LNPEP: variants seen among roughly 807,000 people sequenced by gnomAD.
LNPEP encodes the protein leucyl and cystinyl aminopeptidase, also known as leucyl-cystinyl aminopeptidase.
LNPEP carries 64 observed loss-of-function variants against 120.6 expected under a neutral mutation model. The ratio of observed to expected loss-of-function variants is 0.53; its 90% CI spans 0.43 to 0.65. The LOEUF (loss-of-function observed/expected upper bound fraction) is 0.65. LNPEP is among the 30% of genes least tolerant of loss of function. LNPEP has a pLI of 0.00. For missense variants in LNPEP, 1,057 were observed against 1,200.0 expected (o/e 0.88, Z 1.76); for synonymous variants, 435 against 425.4 (o/e 1.02, Z -0.28).
chr5:96,994,058 CTTTTT>C, intron 6 of LNPEP, 87 bp downstream of exon 6: 1 of 861,378 alleles, frequency 1.2e-6, no homozygotes, highest in Non-Finnish European at 1.7e-6. Context: ...GCTAATAATT[CTTTTT>C]TTTTTTAAGC....
At chr5:96,997,124 T>G (rs1033106371) in intron 7 of LNPEP, among the ~76,000 whole-genome samples, 8 of 152,078 alleles carry the variant, frequency 5.3e-5, no homozygotes, top group African/African-American at 1.9e-4. Flanking sequence ...CTTAGGGATA[T>G]TCAAACACAC....
At chr5:97,026,471 A>G in intron 15 of LNPEP, 146 bp from the exon 16 acceptor site, 2 of 543,230 alleles carry the variant, frequency 3.7e-6, no homozygotes, top group South Asian at 3.9e-5. Context: ...TTTTCAATCT[A>G]TAGATCAACC....
chr5:96,956,860 A>G (rs1434227518), intron 1 of LNPEP, among the ~76,000 whole-genome samples: 2 of 151,930 alleles, frequency 1.3e-5, no homozygotes, highest in East Asian at 3.9e-4. Flanking sequence ...CTCAAATTGA[A>G]TCATTTCTGT....
intron 1 of LNPEP, among the ~76,000 whole-genome samples, chr5:96,967,063 G>A (rs903274220): frequency 1.3e-5 from 2 of 152,126 alleles, no homozygotes; most frequent in Admixed American, 1.3e-4. Context: ...GAACCCTCAG[G>A]TATAGTGGAA....
At chr5:97,004,831 A>T (rs1002515484) in intron 9 of LNPEP, among the ~76,000 whole-genome samples, 7 of 152,150 alleles carry the variant, frequency 4.6e-5, no homozygotes, top group Non-Finnish European at 7.4e-5. Flanking sequence ...CTGATCATAT[A>T]GTAGTATTTC....
rs543155083 is a variant in LNPEP at position 96,993,880 on chromosome 5, G to A, written c.1316G>A (p.Arg439Gln). The change falls in exon 6 of 18, where the codon CGA (arginine) becomes CAA (glutamine). Residue 439 changes from arginine (R) to glutamine (Q), a missense_variant. Arg to Gln is a conservative substitution (Grantham distance 43). Transcript: ENST00000231368. ...GAAAATTGGGGTTTGCTCACCTTCC[G>A]AGAGGAGACACTTCTGTATGACAGT... The part of the protein sequence containing the change: ...AMENWGLLTF[R>Q]EETLLYDSNT... 20 of 1,613,836 alleles carry A rather than the reference G, an allele frequency of 1.2e-5. No individual in the cohort carries two copies. Among genetic ancestry groups the A allele is most frequent in the East Asian group, 8.9e-5 (4 of 44,874 alleles).
chr5:96,947,406 GCTGT>G (rs1789211345), intron 1 of LNPEP, among the ~76,000 whole-genome samples: 1 of 152,106 alleles, frequency 6.6e-6, no homozygotes, highest in South Asian at 2.1e-4. Context: ...AGGGTTATTG[GCTGT>G]CTTTTAAGTG....
At chr5:96,992,680 A>G (rs1201618329) in intron 4 of LNPEP, among the ~76,000 whole-genome samples, 1 of 151,934 alleles carries the variant, frequency 6.6e-6, no homozygotes, top group Non-Finnish European at 1.5e-5. Context: ...AATGGGAGAG[A>G]AAGAGAAGAG....
At chr5:96,986,813 T>G (rs1455706308) in intron 4 of LNPEP, 143 bp downstream of exon 4, 1 of 765,370 alleles carries the variant, frequency 1.3e-6, no homozygotes, top group Non-Finnish European at 2.1e-6. Flanking sequence ...AAATGCTACT[T>G]TTTTGCTTAG....
chr5:96,993,774 T>G, intron 5 of LNPEP, 43 bp from the exon 6 acceptor site: 1 of 1,591,000 alleles, frequency 6.3e-7, no homozygotes, highest in Non-Finnish European at 8.6e-7. Context: ...AGAAAATGCC[T>G]AAGATGAGGG....
Position 96,980,324 on chromosome 5 carries a change from A to T in LNPEP, c.860+346A>T, listed in dbSNP as rs1211967057. ...GCAGAGTAAAGAGGAGTTATTCTTT[A>T]AGACCTATTTTCCTAATGTGCAGAA... On this transcript the variant is annotated intron_variant, in intron 2 of 17. Transcript: ENST00000231368. Among the ~76,000 whole-genome samples the T allele has an allele frequency of 3.3e-5, 5 of 152,170 alleles. No homozygotes were observed. The East Asian group carries it at 9.6e-4, about 29-fold the overall frequency.
chr5:96,972,996 A>G (rs994233075), intron 1 of LNPEP, among the ~76,000 whole-genome samples: 1 of 152,156 alleles, frequency 6.6e-6, no homozygotes, highest in Non-Finnish European at 1.5e-5. Flanking sequence ...ACAATATACT[A>G]GGGGTAAAGT....
chr5:96,937,848 G>A (rs1179499953), intron 1 of LNPEP: 1 of 152,126 alleles, frequency 6.6e-6, no homozygotes, highest in African/African-American at 2.4e-5. Context: ...ACATTTGGGA[G>A]GACAATGGAA....
At chr5:96,977,522 C>T (rs1393317906) in intron 1 of LNPEP, among the ~76,000 whole-genome samples, 4 of 152,032 alleles carry the variant, frequency 2.6e-5, no homozygotes, top group South Asian at 2.1e-4. Flanking sequence ...CTTAAGTGCA[C>T]GTGAGCACCC....
chr5:96,979,761 A>G lies in LNPEP; in HGVS notation c.643A>G (p.Asn215Asp). The change falls in exon 2 of 18, where the codon AAT (asparagine) becomes GAT (aspartate). Residue 215 changes from asparagine to aspartate, a missense_variant. Asn to Asp is a conservative substitution (Grantham distance 23, BLOSUM62 1). Transcript: ENST00000231368. ...WNIILHSTGH[N>D]ISRVTFMSAV... ...TATCATTCTTCATAGCACAGGTCAT[A>G]ATATTTCAAGAGTGACCTTTATGTC... 1 of 1,614,038 alleles carries G rather than the reference A, an allele frequency of 6.2e-7. No individual in the cohort carries two copies. The highest frequency in any genetic ancestry group is 8.5e-7 in the Non-Finnish European group (1 of 1,179,918).
chr5:96,954,763 TATATA>T (rs1789413617), intron 1 of LNPEP, among the ~76,000 whole-genome samples: 1 of 39,866 alleles, frequency 2.5e-5, no homozygotes, highest in African/African-American at 9.3e-5. Flanking sequence ...TATATATATA[TATATA>T]TATATTTTTT....
At chr5:97,005,511 G>A (rs1790758612) in intron 9 of LNPEP, among the ~76,000 whole-genome samples, 1 of 152,102 alleles carries the variant, frequency 6.6e-6, no homozygotes, top group African/African-American at 2.4e-5. Flanking sequence ...AAAGACTTAA[G>A]GCAACTGACC....
chr5:97,014,303 CAT>C (rs1217950618), intron 12 of LNPEP, among the ~76,000 whole-genome samples: 3 of 152,134 alleles, frequency 2.0e-5, no homozygotes, highest in Non-Finnish European at 4.4e-5. Flanking sequence ...CTCATGTAAA[CAT>C]ATTCTCTGAA....
At chr5:96,971,904 T>A (rs1348184141) in intron 1 of LNPEP, among the ~76,000 whole-genome samples, 5 of 152,114 alleles carry the variant, frequency 3.3e-5, no homozygotes, top group Non-Finnish European at 5.9e-5. Context: ...TTTTTATTTA[T>A]AATGGCTACT....
Sources: gnomAD v4.1 joint callset for allele counts (sites outside exome capture counted in the v4.1 genomes callset) on GRCh38, gnomAD v4.1.1 for gene constraint, MANE v1.5 for transcripts, NCBI Gene and HGNC (gene_info 2026-07-23, HGNC 2026-07-21) for gene names.